PNPLA8: variants seen among roughly 807,000 people sequenced by gnomAD.
The protein encoded by PNPLA8 is patatin like domain 8, phospholipase A2.
PNPLA8 carries 39 observed loss-of-function variants against 76.9 expected under a neutral mutation model. The observed-to-expected ratio is 0.51, with a 90% confidence interval of 0.39 to 0.66. The LOEUF (loss-of-function observed/expected upper bound fraction) is 0.66, where lower values mean the gene tolerates loss of function less well. Among genes scored for constraint, PNPLA8 ranks in the 30% least tolerant of loss-of-function variants. The pLI, the probability that PNPLA8 is intolerant of heterozygous loss-of-function variation, is 0.00. For synonymous variants in PNPLA8, 301 were observed against 307.9 expected, an observed-to-expected ratio of 0.98 and a Z score of 0.24; for missense variants, 887 against 918.0, an observed-to-expected ratio of 0.97 and a Z score of 0.44.
intron 5 of PNPLA8, 39 bp downstream of exon 5, chr7:108,502,442 CAAAAAAAAAA>C (rs369261888): frequency 1.0e-4 from 63 of 624,194 alleles, no homozygotes; most frequent in East Asian, 5.3e-4. Flanking sequence ...AACTCCATCT[CAAAAAAAAAA>C]AAAAAAAAAA....
Position 108,514,547 on chromosome 7 carries a change from A to G in PNPLA8, c.945T>C (p.Tyr315=). Reference sequence around the variant, plus strand: ...GTTCTTCTGACTGACTCTTTGAATCATACTTTAATTTGGGGACAAGTCCAC... The same window carrying G: ...GTTCTTCTGACTGACTCTTTGAATCGTACTTTAATTTGGGGACAAGTCCAC... The part of the protein sequence containing the change: ...YIGGLVPKLK[Y]DSKSQSEEQE... Residue 315 remains tyrosine, a synonymous_variant, in exon 3 of 11, where the codon TAT becomes TAC. Transcript: ENST00000257694. 6.2e-7 allele frequency: 1 copy of G among 1,613,966 alleles called. No homozygotes were observed. Among genetic ancestry groups the G allele is most frequent in the Non-Finnish European group, 8.5e-7 (1 of 1,179,842 alleles).
intron 1 of PNPLA8, 58 bp from the exon 2 acceptor site, chr7:108,521,579 C>T (rs191154980): frequency 6.3e-4 from 164 of 262,356 alleles, no homozygotes; most frequent in African/African-American, 3.7e-3. Context: ...TGAGAAGTGC[C>T]ATGAATTAAA....
intron 1 of PNPLA8, 25 bp downstream of exon 1, chr7:108,526,003 GC>G: frequency 1.0e-6 from 1 of 965,254 alleles, no homozygotes; most frequent in Non-Finnish European, 1.2e-6. Flanking sequence ...CTATCGTCCC[GC>G]CCCTGTCCCC....
intron 4 of PNPLA8, among the ~76,000 whole-genome samples, chr7:108,512,889 G>C (rs1863041926): frequency 6.6e-6 from 1 of 152,130 alleles, no homozygotes; most frequent in Non-Finnish European, 1.5e-5. Flanking sequence ...GTTTCAATTA[G>C]CAAGACTATT....
chr7:108,507,583 T>C (rs1278207067), intron 4 of PNPLA8, among the ~76,000 whole-genome samples: 2 of 151,968 alleles, frequency 1.3e-5, no homozygotes, highest in Non-Finnish European at 2.9e-5. Flanking sequence ...GAGGCAGAAG[T>C]TGCAGTGAGT....
intron 10 of PNPLA8, 88 bp downstream of exon 10, chr7:108,479,096 G>A (rs1860202405): frequency 5.1e-6 from 4 of 790,134 alleles, no homozygotes; most frequent in Non-Finnish European, 8.6e-6. Flanking sequence ...CATATCATAT[G>A]CCTTTGCAGT....
chr7:108,487,995 T>A (rs1193736544), intron 8 of PNPLA8, 42 bp from the exon 9 acceptor site: 4 of 1,229,220 alleles, frequency 3.3e-6, no homozygotes, highest in Non-Finnish European at 4.7e-6. Context: ...TTAACAGTAA[T>A]ATATTTGGGA....
intron 1 of PNPLA8, among the ~76,000 whole-genome samples, chr7:108,522,436 G>T (rs967561389): frequency 2.0e-5 from 3 of 151,970 alleles, no homozygotes; most frequent in African/African-American, 7.3e-5. Flanking sequence ...TCTACTGATA[G>T]TAACTCTTTC....
intron 2 of PNPLA8, among the ~76,000 whole-genome samples, chr7:108,517,545 A>ATAC (rs1212282675): frequency 6.6e-6 from 1 of 152,248 alleles, no homozygotes; most frequent in Non-Finnish European, 1.5e-5. Flanking sequence ...GTACATCAAT[A>ATAC]TACGGTATGT....
At chr7:108,493,568 CTTTTTTT>C (rs34935118) in intron 7 of PNPLA8, among the ~76,000 whole-genome samples, 1,524 of 81,246 alleles carry the variant, frequency 0.019, 10 homozygotes, top group Middle Eastern at 0.085. Context: ...CCATGCCTGG[CTTTTTTT>C]TTTTTTTTTT....
rs1861578860 is a variant in PNPLA8, at chr7:108,496,751, G to A, written c.1458C>T (p.Ala486=). The stretch of plus-strand genomic sequence containing the variant: ...ACAACCCCAACATGAAAGCTAATAT[G>A]GCACCTGGAAAAAAGAATCCTTAGC... ...FDYICGVSTG[A]ILAFMLGLFH... Residue 486 remains alanine (A), a synonymous_variant, in exon 7 of 11, where the codon GCC becomes GCT. Coordinates refer to ENST00000257694, the MANE Select transcript of PNPLA8 (RefSeq NM_001256007.3). The A allele has an allele frequency of 6.2e-7, 1 of 1,606,164 alleles. No homozygotes were observed. Among genetic ancestry groups the A allele is most frequent in the Non-Finnish European group, 8.5e-7 (1 of 1,176,384 alleles).
chr7:108,472,819 A>G (rs1859717264), intron 10 of PNPLA8, 144 bp from the exon 11 acceptor site: 2 of 553,800 alleles, frequency 3.6e-6, no homozygotes, highest in Non-Finnish European at 6.2e-6. Flanking sequence ...TCAAACTGAC[A>G]GTAGAAGTAA....
chr7:108,488,355 G>A (rs1304218856), intron 8 of PNPLA8, among the ~76,000 whole-genome samples: 1 of 152,194 alleles, frequency 6.6e-6, no homozygotes, highest in Admixed American at 6.5e-5. Context: ...CAAGGAGGGT[G>A]GATCACTTGA....
At chr7:108,495,799 G>A (rs1007612083) in intron 7 of PNPLA8, among the ~76,000 whole-genome samples, 1 of 152,106 alleles carries the variant, frequency 6.6e-6, no homozygotes, top group African/African-American at 2.4e-5. Context: ...TCCCACTCTG[G>A]AGTACAGTGT....
At chr7:108,511,525 C>T (rs528309200) in intron 4 of PNPLA8, among the ~76,000 whole-genome samples, 1 of 152,270 alleles carries the variant, frequency 6.6e-6, no homozygotes, top group Non-Finnish European at 1.5e-5. Context: ...AGGAACACTT[C>T]AAATAACACT....
chr7:108,500,199 A>C (rs1311965428), intron 5 of PNPLA8, among the ~76,000 whole-genome samples: 2 of 152,056 alleles, frequency 1.3e-5, no homozygotes, highest in African/African-American at 4.8e-5. Context: ...ACCTGTCCCA[A>C]CTCCCCTGAA....
At chr7:108,525,304 G>C (rs1052370395) in intron 1 of PNPLA8, among the ~76,000 whole-genome samples, 3 of 152,184 alleles carry the variant, frequency 2.0e-5, no homozygotes, top group Admixed American at 2.0e-4. Flanking sequence ...CAGAAATTAG[G>C]ACTGCAGAAC....
chr7:108,498,982 A>C (rs1351531275), intron 5 of PNPLA8, among the ~76,000 whole-genome samples: 2 of 152,222 alleles, frequency 1.3e-5, no homozygotes, highest in Non-Finnish European at 2.9e-5. Context: ...TGTAAGATTA[A>C]AGTAGAAAAC....
At chr7:108,488,838 T>C (rs182349322) in intron 8 of PNPLA8, among the ~76,000 whole-genome samples, 127 of 152,352 alleles carry the variant, frequency 8.3e-4, no homozygotes, top group African/African-American at 2.9e-3. Flanking sequence ...GTTTTATTAA[T>C]GATCTGTAAT....
Sources: gnomAD v4.1 joint callset for allele counts (sites outside exome capture counted in the v4.1 genomes callset) on GRCh38, gnomAD v4.1.1 for gene constraint, MANE v1.5 for transcripts, NCBI Gene and HGNC (gene_info 2026-07-23, HGNC 2026-07-21) for gene names.